The following DDR2 variants were observed in gnomAD, a reference collection of about 807,000 sequenced individuals.
The protein encoded by DDR2 is discoidin domain-containing receptor 2.
In DDR2, 27 loss-of-function variants were observed where a neutral mutation model predicts 94.9. The ratio of observed to expected loss-of-function variants is 0.28; its 90% CI spans 0.21 to 0.39. The LOEUF (loss-of-function observed/expected upper bound fraction) is 0.39, where lower values mean the gene tolerates loss of function less well. Among genes scored for constraint, DDR2 ranks in the 10% least tolerant of loss-of-function variants. The probability of loss-of-function intolerance (pLI) is 1.00; values close to 1 mark genes in which losing one functional copy is unlikely to be tolerated. For missense variants in DDR2, 783 were observed against 1,076.0 expected, an observed-to-expected ratio of 0.73 and a Z score of 3.81; for synonymous variants, 382 against 377.2, an observed-to-expected ratio of 1.01 and a Z score of -0.15.
intron 3 of DDR2, among the ~76,000 whole-genome samples, chr1:162,744,268 G>T (rs1416629935): frequency 1.3e-5 from 2 of 152,150 alleles, no homozygotes; most frequent in African/African-American, 4.8e-5. Flanking sequence ...TATTAATCTT[G>T]TATAACCGAA....
chr1:162,679,770 G>A (rs995967125), intron 2 of DDR2, among the ~76,000 whole-genome samples: 2 of 151,284 alleles, frequency 1.3e-5, no homozygotes, highest in African/African-American at 2.4e-5. Flanking sequence ...CAGATTATGT[G>A]TTTTTTTTTC....
rs535740715 is a variant in DDR2 at position 162,656,718 on chromosome 1, A to G, written c.-28+1344A>G. Among the ~76,000 whole-genome samples the G allele has an allele frequency of 7.2e-5, 11 of 151,740 alleles. No homozygotes were observed. In the South Asian group the frequency reaches 1.5e-3, roughly 20 times the overall value. On this transcript the variant is annotated intron_variant, in intron 2 of 17. Transcript: ENST00000367921. ...TGCTATGCTTCACCACCAACCAGAA[A>G]TTATTACAGGGTTTCTCTATTACAT...
At chr1:162,778,040 A>G (rs1370707395) in intron 16 of DDR2, 1 of 160,404 alleles carries the variant, frequency 6.2e-6, no homozygotes, top group Non-Finnish European at 1.4e-5. Context: ...TTAATAATAA[A>G]TAATATCATC....
intron 9 of DDR2, among the ~76,000 whole-genome samples, chr1:162,763,221 C>A (rs1483552174): frequency 2.0e-5 from 3 of 149,788 alleles, no homozygotes; most frequent in Non-Finnish European, 3.0e-5. Flanking sequence ...TGCTCTGTTG[C>A]CCAGGCTGGA....
At chr1:162,649,821 G>A (rs1316175286) in intron 1 of DDR2, among the ~76,000 whole-genome samples, 2 of 152,196 alleles carry the variant, frequency 1.3e-5, no homozygotes, top group Non-Finnish European at 2.9e-5. Flanking sequence ...CAGTTGCTAA[G>A]CAACACTAAT....
chr1:162,706,881 G>T (rs371929197), intron 2 of DDR2, among the ~76,000 whole-genome samples: 174 of 152,302 alleles, frequency 1.1e-3, no homozygotes, highest in African/African-American at 3.8e-3. Context: ...GAGAATGTCC[G>T]GCCAGCAATG....
intron 17 of DDR2, among the ~76,000 whole-genome samples, chr1:162,779,198 G>T (rs749659985): frequency 6.6e-6 from 1 of 152,292 alleles, no homozygotes; most frequent in African/African-American, 2.4e-5. Flanking sequence ...TCCTAAACTT[G>T]TTGCTCTTGG....
At chr1:162,647,517 A>G (rs1657473237) in intron 1 of DDR2, among the ~76,000 whole-genome samples, 1 of 152,112 alleles carries the variant, frequency 6.6e-6, no homozygotes, top group Non-Finnish European at 1.5e-5. Flanking sequence ...AAGAATGGCT[A>G]CTCCATAGGC....
chr1:162,633,466 C>T (rs553075621), intron 1 of DDR2, among the ~76,000 whole-genome samples: 1 of 152,178 alleles, frequency 6.6e-6, no homozygotes, highest in Non-Finnish European at 1.5e-5. Context: ...AGTTAAGAGT[C>T]CTGAAAAGGG....
chr1:162,634,745 C>T (rs1656732619), intron 1 of DDR2, among the ~76,000 whole-genome samples: 1 of 152,220 alleles, frequency 6.6e-6, no homozygotes. Flanking sequence ...CTGAAGGACA[C>T]TGTGCTTGGT....
intron 2 of DDR2, among the ~76,000 whole-genome samples, chr1:162,700,338 T>TG (rs1454772442): frequency 6.6e-6 from 1 of 152,214 alleles, no homozygotes; most frequent in Non-Finnish European, 1.5e-5. Flanking sequence ...CAATGTCTAT[T>TG]GGGCTATTGT....
rs115679101 is a variant in DDR2, at chr1:162,718,895, T to C, written c.-27-142T>C. The C allele has an allele frequency of 1.2e-4, 89 of 761,214 alleles. 1 individual carries two copies. In the African/African-American group the frequency reaches 1.2e-3, roughly 11 times the overall value. 47.2% of individuals were successfully genotyped at this position (761,214 alleles called of 1,614,324 possible). A position where few individuals can be genotyped will look rare whatever the true frequency, so the allele number is the denominator to read the frequency against. On this transcript the variant is annotated intron_variant, in intron 2 of 17. Transcript: ENST00000367921. ...GCCATTCAACTCCCAAAGTCTGTGA[T>C]TCGAAGTCCCATATATAAAAACAAA... is the stretch of plus-strand genomic sequence containing the variant.
chr1:162,740,376 G>GT (rs1662529562), intron 3 of DDR2, among the ~76,000 whole-genome samples: 1 of 152,158 alleles, frequency 6.6e-6, no homozygotes, highest in African/African-American at 2.4e-5. Flanking sequence ...ACTTTAACTA[G>GT]TTTTTTCACT....
At chr1:162,643,933 G>C (rs776511213) in intron 1 of DDR2, among the ~76,000 whole-genome samples, 4 of 152,140 alleles carry the variant, frequency 2.6e-5, no homozygotes, top group Non-Finnish European at 5.9e-5. Flanking sequence ...AAGAGAGTCT[G>C]GCACATTCAG....
At chr1:162,727,852 G>A (rs1176556280) in intron 3 of DDR2, among the ~76,000 whole-genome samples, 1 of 149,220 alleles carries the variant, frequency 6.7e-6, no homozygotes, top group Non-Finnish European at 1.5e-5. Context: ...TACTGTGTAT[G>A]TGTCCAAACT....
chr1:162,778,447 A>G (rs1647710939), intron 16 of DDR2, 133 bp from the exon 17 acceptor site: 1 of 1,075,186 alleles, frequency 9.3e-7, no homozygotes, highest in African/African-American at 1.6e-5. Context: ...TAAATACTCC[A>G]TGCACATCTT....
chr1:162,726,231 A>G (rs1661656212), intron 3 of DDR2, among the ~76,000 whole-genome samples: 1 of 152,216 alleles, frequency 6.6e-6, no homozygotes, highest in South Asian at 2.1e-4. Flanking sequence ...GGCAGACTTC[A>G]TTAGTCTTTC....
At chr1:162,739,343 C>G (rs985502746) in intron 3 of DDR2, among the ~76,000 whole-genome samples, 8 of 152,104 alleles carry the variant, frequency 5.3e-5, no homozygotes, top group African/African-American at 1.9e-4. Flanking sequence ...GAGATGGAGT[C>G]TCTCTCTGTC....
chr1:162,668,260 C>G, intron 2 of DDR2, among the ~76,000 whole-genome samples: 1 of 152,098 alleles, frequency 6.6e-6, no homozygotes, highest in East Asian at 1.9e-4. Flanking sequence ...CAGGGGAGAT[C>G]CAGGCTAATT....
Sources: allele counts gnomAD v4.1 joint callset (sites outside exome capture counted in the v4.1 genomes callset), GRCh38; gene constraint gnomAD v4.1.1; transcripts MANE v1.5; gene names NCBI Gene and HGNC (gene_info 2026-07-23, HGNC 2026-07-21).